The following CNTN4 variants were observed in gnomAD, a reference collection of about 807,000 sequenced individuals.
The protein encoded by CNTN4 is contactin-4.
A neutral mutation model predicts 122.5 loss-of-function variants in CNTN4; 77 were observed. The observed-to-expected ratio is 0.63, with a 90% CI of 0.52 to 0.76. The LOEUF (loss-of-function observed/expected upper bound fraction) is 0.76. Among genes scored for constraint, CNTN4 ranks in the 30% least tolerant of loss-of-function variants. The probability of loss-of-function intolerance (pLI) is 0.00; values close to 1 mark genes in which losing one functional copy is unlikely to be tolerated. For missense variants in CNTN4, 1,256 were observed against 1,259.1 expected, an observed-to-expected ratio of 1.00 and a Z score of 0.04; for synonymous variants, 512 against 447.0, an observed-to-expected ratio of 1.15 and a Z score of -1.83.
At chr3:2,227,412 T>C (rs1434130605) in intron 2 of CNTN4, among the ~76,000 whole-genome samples, 1 of 152,014 alleles carries the variant, frequency 6.6e-6, no homozygotes, top group Non-Finnish European at 1.5e-5. Flanking sequence ...CATAGTCTCA[T>C]CATAGCTGAC....
At chr3:2,236,251 G>T (rs1160509008) in intron 2 of CNTN4, among the ~76,000 whole-genome samples, 3 of 152,170 alleles carry the variant, frequency 2.0e-5, no homozygotes, top group South Asian at 2.1e-4. Flanking sequence ...CGTAGGAGCT[G>T]AAGATAGGAG....
At chr3:2,198,453 G>T (rs187332848) in intron 2 of CNTN4, among the ~76,000 whole-genome samples, 70 of 152,214 alleles carry the variant, frequency 4.6e-4, no homozygotes, top group African/African-American at 1.6e-3. Context: ...TAACTTTACA[G>T]TAATTTTACT....
intron 2 of CNTN4, among the ~76,000 whole-genome samples, chr3:2,330,771 A>G (rs77976373): frequency 0.04 from 6,054 of 152,260 alleles, 167 homozygotes; most frequent in East Asian, 0.11. Flanking sequence ...GAAAATAGTT[A>G]GACTCTGGCA....
chr3:2,187,950 C>A (rs1312779741), intron 2 of CNTN4, among the ~76,000 whole-genome samples: 1 of 151,994 alleles, frequency 6.6e-6, no homozygotes, highest in Admixed American at 6.6e-5. Flanking sequence ...GAAGTGCATC[C>A]TACTTCTGCC....
intron 4 of CNTN4, among the ~76,000 whole-genome samples, chr3:2,659,246 T>C (rs143928205): frequency 1.4e-4 from 21 of 151,766 alleles, no homozygotes; most frequent in Admixed American, 6.6e-4. Flanking sequence ...GCAGATCACT[T>C]GAGGTCAGAG....
intron 7 of CNTN4, among the ~76,000 whole-genome samples, chr3:2,821,165 C>G (rs1483649025): frequency 6.6e-6 from 1 of 151,936 alleles, no homozygotes; most frequent in African/African-American, 2.4e-5. Flanking sequence ...CCATGTTGAC[C>G]AGGCTGGTCT....
In CNTN4 at chr3:2,362,050, G is replaced by C. The variant is rs565272785; in HGVS notation, c.-89+22817G>C. Among the ~76,000 whole-genome samples the C allele has an allele frequency of 1.3e-4, 20 of 152,298 alleles. No homozygotes were observed. In the East Asian group the frequency reaches 3.3e-3, roughly 25 times the overall value. The stretch of plus-strand genomic sequence containing the variant: ...TGTAAGAGTTGACCAGGTTGATTAA[G>C]CATTCCAGGGAGTGGGACCAGCATA... On this transcript the variant is annotated intron_variant, in intron 3 of 24. Transcript: ENST00000418658.
At chr3:2,359,438 A>G (rs1182310281) in intron 3 of CNTN4, among the ~76,000 whole-genome samples, 1 of 152,208 alleles carries the variant, frequency 6.6e-6, no homozygotes, top group Non-Finnish European at 1.5e-5. Flanking sequence ...ATAAACATGG[A>G]GGGATTTTTA....
chr3:3,039,644 G>T (rs1408400489), intron 19 of CNTN4: 1 of 251,106 alleles, frequency 4.0e-6, no homozygotes, highest in African/African-American at 2.2e-5. Flanking sequence ...AGCCAAGATG[G>T]TTTTTCTTCC....
intron 4 of CNTN4, among the ~76,000 whole-genome samples, chr3:2,669,650 G>T (rs543511967): frequency 3.1e-4 from 47 of 152,156 alleles, no homozygotes; most frequent in Admixed American, 1.2e-3. Flanking sequence ...GAATGTGTTT[G>T]CTCTTGCTTC....
At chr3:2,661,421 C>G (rs539058346) in intron 4 of CNTN4, among the ~76,000 whole-genome samples, 5 of 151,866 alleles carry the variant, frequency 3.3e-5, no homozygotes, top group African/African-American at 1.2e-4. Flanking sequence ...TAGTCAAGAT[C>G]AGCTTTTTCC....
chr3:2,889,914 C>G (rs2151035314), intron 10 of CNTN4, among the ~76,000 whole-genome samples: 1 of 152,324 alleles, frequency 6.6e-6, no homozygotes, highest in African/African-American at 2.4e-5. Flanking sequence ...GCTCCCAGCC[C>G]TGTGCAGGGA....
intron 6 of CNTN4, among the ~76,000 whole-genome samples, chr3:2,815,873 C>CATAT (rs58111735): frequency 0.27 from 37,452 of 141,046 alleles, 5,356 homozygotes; most frequent in East Asian, 0.36. Flanking sequence ...GAAACTATGG[C>CATAT]ATATATATAT....
At chr3:2,384,152 G>A (rs972469685) in intron 3 of CNTN4, among the ~76,000 whole-genome samples, 3 of 152,052 alleles carry the variant, frequency 2.0e-5, no homozygotes, top group African/African-American at 4.8e-5. Context: ...GCATGTAGCC[G>A]TGTGCATCAT....
chr3:2,597,692 C>T (rs772531468), intron 4 of CNTN4, among the ~76,000 whole-genome samples: 4 of 152,084 alleles, frequency 2.6e-5, no homozygotes, highest in Non-Finnish European at 2.9e-5. Flanking sequence ...TTCAACTGAA[C>T]CATCCCCCAG....
chr3:2,632,104 GTA>G (rs148199844), intron 4 of CNTN4, among the ~76,000 whole-genome samples: 3 of 150,428 alleles, frequency 2.0e-5, no homozygotes. Context: ...ATGTATGTAT[GTA>G]TATATATATA....
chr3:2,704,121 AC>A (rs2086513136), intron 4 of CNTN4, among the ~76,000 whole-genome samples: 3 of 151,478 alleles, frequency 2.0e-5, no homozygotes, highest in Non-Finnish European at 4.4e-5. Context: ...GCATGGTGAA[AC>A]CCCGTCTCTA....
intron 4 of CNTN4, among the ~76,000 whole-genome samples, chr3:2,634,899 C>T (rs1312955599): frequency 1.3e-5 from 2 of 151,516 alleles, no homozygotes; most frequent in African/African-American, 2.4e-5. Context: ...TGATTACATA[C>T]ATTAACCACT....
intron 14 of CNTN4, among the ~76,000 whole-genome samples, chr3:3,005,745 A>C (rs34239993): frequency 0.81 from 122,332 of 151,480 alleles, 49,591 homozygotes; most frequent in Middle Eastern, 0.88. Flanking sequence ...TTCATGAGGG[A>C]TCTACCCTCA....
Sources: gnomAD v4.1 joint callset for allele counts (sites outside exome capture counted in the v4.1 genomes callset) on GRCh38, gnomAD v4.1.1 for gene constraint, MANE v1.5 for transcripts, NCBI Gene and HGNC (gene_info 2026-07-23, HGNC 2026-07-21) for gene names.